The following ZFYVE9 variants were observed in gnomAD, a reference collection of about 807,000 sequenced individuals.
The protein encoded by ZFYVE9 is zinc finger FYVE domain-containing protein 9.
In ZFYVE9, 43 loss-of-function variants were observed where a neutral mutation model predicts 126.7. The ratio of observed to expected loss-of-function variants is 0.34; its 90% CI spans 0.27 to 0.44. The LOEUF is 0.44. Ranked by LOEUF, ZFYVE9 falls within the 20% of genes least tolerant of loss-of-function variation. The pLI is 1.00. For synonymous variants in ZFYVE9, 521 were observed against 597.4 expected (o/e 0.87, Z 1.87); for missense variants, 1,476 against 1,697.0 (o/e 0.87, Z 2.29).
intron 1 of ZFYVE9, among the ~76,000 whole-genome samples, chr1:52,214,472 G>A (rs1645054435): frequency 6.6e-6 from 1 of 152,042 alleles, no homozygotes; most frequent in Non-Finnish European, 1.5e-5. Context: ...GTTGAGACTA[G>A]CCACTAGTGG....
chr1:52,273,237 C>T (rs921603371), intron 7 of ZFYVE9, among the ~76,000 whole-genome samples: 1 of 151,868 alleles, frequency 6.6e-6, no homozygotes, highest in African/African-American at 2.4e-5. Flanking sequence ...AAACTCCTGA[C>T]CTCAGGTGAT....
At chr1:52,152,577 G>C (rs1179643793) in intron 1 of ZFYVE9, among the ~76,000 whole-genome samples, 11 of 152,020 alleles carry the variant, frequency 7.2e-5, no homozygotes, top group Non-Finnish European at 1.5e-4. Context: ...AAATTACACA[G>C]AATAAATAAT....
At chr1:52,331,468 G>A (rs148317324) in intron 13 of ZFYVE9, among the ~76,000 whole-genome samples, 3 of 149,672 alleles carry the variant, frequency 2.0e-5, no homozygotes, top group African/African-American at 7.4e-5. Flanking sequence ...AAAAAAAAGT[G>A]TCGGCCGGGT....
rs539019909 is a variant in ZFYVE9 at position 52,206,350 on chromosome 1, T to G, written c.-142-10019T>G. ...AGTATATGTGTGTATGGCGTGGTGG[T>G]AGACAGTTCTATAATTCTGTTGGCA... On this transcript the variant is annotated intron_variant, in intron 1 of 18. Coordinates refer to ENST00000287727, the MANE Select transcript of ZFYVE9 (RefSeq NM_004799.4). Among the ~76,000 whole-genome samples the G allele has an allele frequency of 3.3e-5, 5 of 152,340 alleles. No homozygotes were observed. In the South Asian group the frequency reaches 8.3e-4, roughly 25 times the overall value.
chr1:52,340,092 A>T, intron 16 of ZFYVE9, 34 bp from the exon 17 acceptor site: 2 of 1,563,978 alleles, frequency 1.3e-6, no homozygotes, highest in Non-Finnish European at 1.8e-6. Context: ...TAACTTCAAG[A>T]GCTGCTTCTA....
chr1:52,280,976 AC>A (rs1167900289), intron 9 of ZFYVE9, among the ~76,000 whole-genome samples: 1 of 151,970 alleles, frequency 6.6e-6, no homozygotes, highest in Non-Finnish European at 1.5e-5. Context: ...AAGGTGGAGG[AC>A]TATGTTCTTC....
chr1:52,343,060 C>T (rs1013906842), intron 17 of ZFYVE9, among the ~76,000 whole-genome samples: 4 of 151,962 alleles, frequency 2.6e-5, no homozygotes, highest in Non-Finnish European at 5.9e-5. Flanking sequence ...GCACCTGCCA[C>T]CACGCCCGGC....
chr1:52,195,288 A>C (rs1644850033), intron 1 of ZFYVE9, among the ~76,000 whole-genome samples: 1 of 152,232 alleles, frequency 6.6e-6, no homozygotes, highest in African/African-American at 2.4e-5. Flanking sequence ...TTGTTTCCAA[A>C]TATATACATA....
At chr1:52,240,416 G>A (rs759220019) in intron 4 of ZFYVE9, among the ~76,000 whole-genome samples, 1 of 152,138 alleles carries the variant, frequency 6.6e-6, no homozygotes. Flanking sequence ...TTATTGGGCT[G>A]TTGTCAAGAT....
rs756466289 is a variant in ZFYVE9 at position 52,288,943 on chromosome 1, A to AG, written c.3026-4510_3026-4509insG. On this transcript the variant is annotated intron_variant, in intron 10 of 18. Transcript: ENST00000287727. ...TCTGTCTCAAAAAAAAAAAAAAAAA[A>AG]AAAGAAAAAGAAATATTAGTATTTC... Among the ~76,000 whole-genome samples the AG allele has an allele frequency of 3.6e-3, 547 of 151,294 alleles. 3 individuals carry two copies. Among genetic ancestry groups the AG allele is most frequent in the African/African-American group, 0.013 (521 of 41,180 alleles).
intron 1 of ZFYVE9, among the ~76,000 whole-genome samples, chr1:52,199,991 T>C (rs970090819): frequency 6.6e-6 from 1 of 151,852 alleles, no homozygotes; most frequent in East Asian, 1.9e-4. Flanking sequence ...TTTGGTGAAG[T>C]GTCTGTACAG....
At chr1:52,236,293 T>C (rs143008577) in intron 3 of ZFYVE9, among the ~76,000 whole-genome samples, 106 of 152,274 alleles carry the variant, frequency 7.0e-4, no homozygotes, top group African/African-American at 2.3e-3. Flanking sequence ...CTTATATTGA[T>C]AGAAATGATT....
At chr1:52,157,551 A>G (rs1427599062) in intron 1 of ZFYVE9, among the ~76,000 whole-genome samples, 6 of 150,728 alleles carry the variant, frequency 4.0e-5, no homozygotes, top group African/African-American at 1.5e-4. Flanking sequence ...ACAGGTGCCC[A>G]CCACCACACC....
At chr1:52,307,667 A>G (rs1646097245) in intron 13 of ZFYVE9, among the ~76,000 whole-genome samples, 1 of 152,194 alleles carries the variant, frequency 6.6e-6, no homozygotes. Flanking sequence ...CTAAAAGAGT[A>G]ACAGTATTTC....
At chr1:52,224,288 C>G (rs995578436) in intron 2 of ZFYVE9, among the ~76,000 whole-genome samples, 2 of 151,746 alleles carry the variant, frequency 1.3e-5, no homozygotes, top group African/African-American at 4.8e-5. Flanking sequence ...GGGAGAGGAA[C>G]TGAGTGTTCA....
chr1:52,226,392 C>A (rs536407090), intron 2 of ZFYVE9, among the ~76,000 whole-genome samples: 5 of 151,898 alleles, frequency 3.3e-5, no homozygotes, highest in Admixed American at 2.0e-4. Flanking sequence ...AAAAATTAGC[C>A]GGGCATGGTG....
chr1:52,160,308 C>T, intron 1 of ZFYVE9: 1 of 1,065,730 alleles, frequency 9.4e-7, no homozygotes, highest in Non-Finnish European at 1.5e-6. Flanking sequence ...TGCATCAGTT[C>T]AAAGGCTTTG....
intron 1 of ZFYVE9, chr1:52,179,846 A>T: frequency 1.5e-6 from 1 of 667,422 alleles, no homozygotes; most frequent in African/African-American, 1.8e-5. Context: ...TGGAAACAAG[A>T]TGCAGGACCC....
chr1:52,263,547 A>G (rs1645601906), intron 4 of ZFYVE9, among the ~76,000 whole-genome samples: 1 of 152,014 alleles, frequency 6.6e-6, no homozygotes, highest in Non-Finnish European at 1.5e-5. Flanking sequence ...CTTAGTTAAG[A>G]TTTTTATTTT....
Sources: allele counts gnomAD v4.1 joint callset (sites outside exome capture counted in the v4.1 genomes callset), GRCh38; gene constraint gnomAD v4.1.1; transcripts MANE v1.5; gene names NCBI Gene and HGNC (gene_info 2026-07-23, HGNC 2026-07-21).